Variants in UNC5C observed in about 807,000 individuals in gnomAD.
The protein encoded by UNC5C is unc-5 netrin receptor C.
In UNC5C, 47 loss-of-function variants were observed where a neutral mutation model predicts 99.8. That is an observed-to-expected ratio of 0.47 (90% CI 0.37 to 0.60). The LOEUF (loss-of-function observed/expected upper bound fraction) is 0.60, where lower values mean the gene tolerates loss of function less well. UNC5C is among the 20% of genes least tolerant of loss of function. The pLI is 0.00. For synonymous variants in UNC5C, 487 were observed against 452.2 expected, an observed-to-expected ratio of 1.08 and a Z score of -0.98; for missense variants, 1,062 against 1,165.9, an observed-to-expected ratio of 0.91 and a Z score of 1.30.
At chr4:95,539,079 A>T (rs555189488) in intron 1 of UNC5C, among the ~76,000 whole-genome samples, 12 of 152,296 alleles carry the variant, frequency 7.9e-5, no homozygotes, top group African/African-American at 2.9e-4. Flanking sequence ...CCTCTTCTTC[A>T]ATCAGCCCAC....
At chr4:95,471,529 C>T (rs772114564) in intron 1 of UNC5C, among the ~76,000 whole-genome samples, 3 of 152,024 alleles carry the variant, frequency 2.0e-5, no homozygotes, top group Non-Finnish European at 2.9e-5. Context: ...GTACTTGGAC[C>T]CCCCTGACAT....
chr4:95,364,893 T>C (rs1744506559), intron 1 of UNC5C, among the ~76,000 whole-genome samples: 2 of 152,118 alleles, frequency 1.3e-5, no homozygotes, highest in Non-Finnish European at 2.9e-5. Flanking sequence ...TGTATTTTTG[T>C]AAGCACTGTC....
At chr4:95,404,395 T>G (rs773919136) in intron 1 of UNC5C, among the ~76,000 whole-genome samples, 2 of 152,192 alleles carry the variant, frequency 1.3e-5, no homozygotes, top group East Asian at 3.9e-4. Flanking sequence ...TTAAAAGCAT[T>G]ATAAGGTCAG....
intron 10 of UNC5C, among the ~76,000 whole-genome samples, chr4:95,211,446 A>G (rs932987681): frequency 2.0e-5 from 3 of 152,186 alleles, no homozygotes; most frequent in Non-Finnish European, 4.4e-5. Flanking sequence ...ATCTACCTCC[A>G]TTGAGGGACA....
intron 1 of UNC5C, among the ~76,000 whole-genome samples, chr4:95,385,270 G>A (rs960695703): frequency 3.9e-5 from 6 of 152,124 alleles, no homozygotes; most frequent in South Asian, 2.1e-4. Flanking sequence ...GTCGATGTGC[G>A]GAAGTGCTCG....
Position 95,365,298 on chromosome 4 carries a change from A to G in UNC5C, c.125-29667T>C, listed in dbSNP as rs199900548. Among the ~76,000 whole-genome samples the G allele has an allele frequency of 1.1e-3, 142 of 134,064 alleles. 1 individual carries two copies. In the East Asian group the frequency reaches 0.023, roughly 22 times the overall value. 88.0% of individuals were successfully genotyped at this position (134,064 alleles called of 152,430 possible). On this transcript the variant is annotated intron_variant, in intron 1 of 15. Transcript: ENST00000453304. ...GCAACAGAACAAGAATCTGTCTCAA[A>G]AAAAAAAAAAAAAGAAAAGAAATAA...
intron 12 of UNC5C, among the ~76,000 whole-genome samples, chr4:95,201,655 A>G (rs1399373477): frequency 6.6e-6 from 1 of 151,642 alleles, no homozygotes; most frequent in Admixed American, 6.6e-5. Context: ...CTAGGCTGGA[A>G]TGCAGTGAGG....
In UNC5C at chr4:95,169,152, T is replaced by A; in HGVS notation, c.*82A>T. Reference sequence around the variant, plus strand: ...TGAAGTGCATTGGTCTCATCTGGATTTCCTCCTCAGCTGTGATTCACCTGG... The same window carrying A: ...TGAAGTGCATTGGTCTCATCTGGATATCCTCCTCAGCTGTGATTCACCTGG... On this transcript the variant is annotated 3_prime_UTR_variant, in exon 16 of 16. Coordinates refer to ENST00000453304, the MANE Select transcript of UNC5C (RefSeq NM_003728.4). The A allele has an allele frequency of 1.3e-6, 2 of 1,559,012 alleles. No individual in the cohort carries two copies. Among genetic ancestry groups the A allele is most frequent in the Middle Eastern group, 1.8e-4 (1 of 5,686 alleles).
intron 5 of UNC5C, among the ~76,000 whole-genome samples, chr4:95,246,278 TG>T (rs1374505448): frequency 1.3e-5 from 2 of 152,176 alleles, no homozygotes; most frequent in Non-Finnish European, 2.9e-5. Context: ...TTCATGAGGC[TG>T]GGTGCAGTGG....
intron 1 of UNC5C, among the ~76,000 whole-genome samples, chr4:95,541,638 T>C (rs1722923644): frequency 6.6e-6 from 1 of 152,002 alleles, no homozygotes; most frequent in Non-Finnish European, 1.5e-5. Flanking sequence ...ATTTATATTT[T>C]ATATTATTAT....
At chr4:95,520,791 G>A (rs566308953) in intron 1 of UNC5C, among the ~76,000 whole-genome samples, 1 of 151,862 alleles carries the variant, frequency 6.6e-6, no homozygotes, top group South Asian at 2.1e-4. Flanking sequence ...TAGTAGAGAC[G>A]GGGTTTCACT....
At chr4:95,252,811 G>A (rs1739795519) in intron 4 of UNC5C, among the ~76,000 whole-genome samples, 2 of 152,184 alleles carry the variant, frequency 1.3e-5, no homozygotes, top group Admixed American at 1.3e-4. Flanking sequence ...GGGAATGACG[G>A]TGACACCAAA....
chr4:95,431,112 T>C (rs1488007798), intron 1 of UNC5C, among the ~76,000 whole-genome samples: 1 of 152,086 alleles, frequency 6.6e-6, no homozygotes, highest in Non-Finnish European at 1.5e-5. Flanking sequence ...TCATACCCCA[T>C]GCACTTCCAA....
At chr4:95,376,479 G>C (rs1187754868) in intron 1 of UNC5C, among the ~76,000 whole-genome samples, 1 of 152,032 alleles carries the variant, frequency 6.6e-6, no homozygotes, top group Non-Finnish European at 1.5e-5. Context: ...TAAAAACAGG[G>C]TCAGCTTGAG....
intron 1 of UNC5C, among the ~76,000 whole-genome samples, chr4:95,522,159 G>T (rs1007136168): frequency 2.6e-5 from 4 of 151,678 alleles, no homozygotes; most frequent in African/African-American, 9.7e-5. Context: ...ATTGTATAAA[G>T]GTATAGTTTA....
At chr4:95,190,621 C>G (rs770855608) in intron 12 of UNC5C, among the ~76,000 whole-genome samples, 7 of 152,170 alleles carry the variant, frequency 4.6e-5, no homozygotes, top group Non-Finnish European at 8.8e-5. Context: ...CCCAGCCCCC[C>G]TTGTACAGTT....
intron 4 of UNC5C, among the ~76,000 whole-genome samples, chr4:95,271,752 G>A (rs1740675254): frequency 1.3e-5 from 2 of 152,200 alleles, no homozygotes; most frequent in Non-Finnish European, 2.9e-5. Flanking sequence ...AAAGGTGAAT[G>A]TCAGGTCTCG....
chr4:95,520,537 T>C (rs925633244), intron 1 of UNC5C, among the ~76,000 whole-genome samples: 1 of 152,032 alleles, frequency 6.6e-6, no homozygotes, highest in African/African-American at 2.4e-5. Flanking sequence ...GAAGCTGCAA[T>C]TTCTTGAGCC....
chr4:95,198,950 G>A (rs1737542806), intron 12 of UNC5C, among the ~76,000 whole-genome samples: 1 of 152,118 alleles, frequency 6.6e-6, no homozygotes, highest in South Asian at 2.1e-4. Flanking sequence ...ATAACCCAGG[G>A]AGTATTAAGA....
Sources: gnomAD v4.1 joint callset for allele counts (sites outside exome capture counted in the v4.1 genomes callset) on GRCh38, gnomAD v4.1.1 for gene constraint, MANE v1.5 for transcripts, NCBI Gene and HGNC (gene_info 2026-07-23, HGNC 2026-07-21) for gene names.